The following FIG4 variants were observed in gnomAD, a reference collection of about 807,000 sequenced individuals.
FIG4 encodes polyphosphoinositide phosphatase.
A neutral mutation model predicts 118.6 loss-of-function variants in FIG4; 112 were observed. The ratio of observed to expected loss-of-function variants is 0.94; its 90% confidence interval spans 0.81 to 1.11. The LOEUF (loss-of-function observed/expected upper bound fraction) is 1.11. FIG4 is among the 50% of genes least tolerant of loss of function. The pLI is 0.00. For missense variants in FIG4, 969 were observed against 1,111.7 expected, an observed-to-expected ratio of 0.87 and a Z score of 1.83; for synonymous variants, 369 against 381.2, an observed-to-expected ratio of 0.97 and a Z score of 0.37.
intron 2 of FIG4, among the ~76,000 whole-genome samples, chr6:109,715,517 T>C (rs1272064336): frequency 6.6e-6 from 1 of 152,152 alleles, no homozygotes; most frequent in Non-Finnish European, 1.5e-5. Flanking sequence ...TCTGTTATGG[T>C]TCTTTAATAT....
At chr6:109,708,674 G>C (rs1296063176) in intron 1 of FIG4, among the ~76,000 whole-genome samples, 1 of 152,154 alleles carries the variant, frequency 6.6e-6, no homozygotes, top group Non-Finnish European at 1.5e-5. Context: ...ACTGGTGTGA[G>C]ATGGGCTTTC....
intron 19 of FIG4, among the ~76,000 whole-genome samples, chr6:109,790,848 G>A (rs575260504): frequency 6.6e-5 from 10 of 152,222 alleles, no homozygotes; most frequent in African/African-American, 2.4e-4. Flanking sequence ...GGAATGTTCA[G>A]CAAATACACT....
At chr6:109,775,656 A>C (rs972815882) in intron 15 of FIG4, among the ~76,000 whole-genome samples, 1 of 152,214 alleles carries the variant, frequency 6.6e-6, no homozygotes, top group African/African-American at 2.4e-5. Flanking sequence ...GCAGTAATGT[A>C]TGCATTATTT....
At chr6:109,716,762 C>T (rs906316949) in intron 3 of FIG4, among the ~76,000 whole-genome samples, 194 bp downstream of exon 3, 1 of 152,192 alleles carries the variant, frequency 6.6e-6, no homozygotes, top group Admixed American at 6.5e-5. Context: ...ATGCACTTAG[C>T]ACTGCTCAGT....
At chr6:109,786,535 T>G (rs1198025909) in intron 18 of FIG4, 86 bp downstream of exon 18, 7 of 1,496,776 alleles carry the variant, frequency 4.7e-6, no homozygotes, top group African/African-American at 1.4e-5. Context: ...TTACCAGAAA[T>G]CCATTCTGTA....
intron 22 of FIG4, among the ~76,000 whole-genome samples, chr6:109,801,713 C>A (rs569406119): frequency 7.9e-5 from 12 of 152,306 alleles, no homozygotes; most frequent in Non-Finnish European, 8.8e-5. Context: ...CATGCTGTTA[C>A]ACAGAATTAG....
At chr6:109,718,905 T>A (rs1297477459) in intron 3 of FIG4, among the ~76,000 whole-genome samples, 3 of 149,306 alleles carry the variant, frequency 2.0e-5, no homozygotes, top group African/African-American at 7.4e-5. Context: ...AGCTTAAATG[T>A]TGATACCTTA....
chr6:109,743,507 T>C, intron 9 of FIG4, 168 bp from the exon 10 acceptor site: 1 of 679,680 alleles, frequency 1.5e-6, no homozygotes, highest in Non-Finnish European at 2.6e-6. Context: ...TCAAATGTAA[T>C]AAATACATGA....
At chr6:109,789,985 A>G (rs1778093245) in intron 19 of FIG4, among the ~76,000 whole-genome samples, 1 of 152,172 alleles carries the variant, frequency 6.6e-6, no homozygotes, top group Non-Finnish European at 1.5e-5. Context: ...TATTTATTAT[A>G]TTTATTTTGT....
chr6:109,797,456 A>T (rs1381539413), intron 22 of FIG4, among the ~76,000 whole-genome samples: 1 of 152,184 alleles, frequency 6.6e-6, no homozygotes, highest in African/African-American at 2.4e-5. Flanking sequence ...AGTGTCTAGA[A>T]TACGTTCTGA....
chr6:109,757,948 G>C (rs1227905604), intron 10 of FIG4, among the ~76,000 whole-genome samples: 3 of 151,968 alleles, frequency 2.0e-5, no homozygotes, highest in South Asian at 2.1e-4. Context: ...CCACTGCCCA[G>C]TGAAATAAGA....
intron 4 of FIG4, among the ~76,000 whole-genome samples, chr6:109,731,911 A>G (rs1170313688): frequency 3.9e-5 from 6 of 152,180 alleles, no homozygotes; most frequent in African/African-American, 1.4e-4. Context: ...TGAGTGAAAA[A>G]AGTAGGACAG....
chr6:109,739,317 A>G (rs1031655061), intron 7 of FIG4, among the ~76,000 whole-genome samples: 15 of 152,094 alleles, frequency 9.9e-5, no homozygotes, highest in Non-Finnish European at 1.8e-4. Context: ...ATAAAGTGCA[A>G]TTATGGGGTT....
At chr6:109,800,237 T>C (rs1778392989) in intron 22 of FIG4, among the ~76,000 whole-genome samples, 1 of 152,180 alleles carries the variant, frequency 6.6e-6, no homozygotes, top group Non-Finnish European at 1.5e-5. Flanking sequence ...ATCACTGGGG[T>C]AGCAATGCTT....
intron 16 of FIG4, among the ~76,000 whole-genome samples, chr6:109,777,898 G>A (rs1026914105): frequency 3.3e-5 from 5 of 152,158 alleles, no homozygotes; most frequent in South Asian, 4.1e-4. Context: ...AACTCTCTAA[G>A]CCTTATTTTC....
chr6:109,721,497 T>G (rs1239597045), intron 3 of FIG4, among the ~76,000 whole-genome samples: 1 of 152,226 alleles, frequency 6.6e-6, no homozygotes, highest in African/African-American at 2.4e-5. Context: ...ATATTGTCCT[T>G]TTTAATATAC....
At chr6:109,747,908 C>G (rs1226708623) in intron 10 of FIG4, among the ~76,000 whole-genome samples, 1 of 152,094 alleles carries the variant, frequency 6.6e-6, no homozygotes, top group African/African-American at 2.4e-5. Flanking sequence ...ACCTCAGTCT[C>G]CCAAAGTGCT....
At chr6:109,730,885 A>G (rs1775979788) in intron 4 of FIG4, among the ~76,000 whole-genome samples, 1 of 152,206 alleles carries the variant, frequency 6.6e-6, no homozygotes, top group Non-Finnish European at 1.5e-5. Flanking sequence ...ACAATGCTAT[A>G]TTTGATACTG....
intron 1 of FIG4, among the ~76,000 whole-genome samples, chr6:109,700,888 A>G (rs1172076501): frequency 6.6e-6 from 1 of 152,224 alleles, no homozygotes; most frequent in Non-Finnish European, 1.5e-5. Flanking sequence ...CATTATGTAT[A>G]TTTTCAAAAT....
Sources: gnomAD v4.1 joint callset for allele counts (sites outside exome capture counted in the v4.1 genomes callset) on GRCh38, gnomAD v4.1.1 for gene constraint, MANE v1.5 for transcripts, NCBI Gene and HGNC (gene_info 2026-07-23, HGNC 2026-07-21) for gene names.